Variants in BTG4 observed in about 807,000 individuals in gnomAD.
BTG4 encodes BTG anti-proliferation factor 4.
In BTG4, 10 loss-of-function variants were observed where a neutral mutation model predicts 19.3. That is an observed-to-expected ratio of 0.52 (90% CI 0.32 to 0.88). The LOEUF is 0.88. Ranked by LOEUF, BTG4 falls within the 40% of genes least tolerant of loss-of-function variation. The pLI, the probability that BTG4 is intolerant of heterozygous loss-of-function variation, is 0.04. For synonymous variants in BTG4, 91 were observed against 95.7 expected, an observed-to-expected ratio of 0.95 and a Z score of 0.29; for missense variants, 238 against 281.9, an observed-to-expected ratio of 0.84 and a Z score of 1.11.
chr11:111,385,544 G>A, the BTG4 span: 3 of 151,954 alleles, frequency 2.0e-5, no homozygotes, highest in South Asian at 6.2e-4. Flanking sequence ...GAATTCAATA[G>A]TATATTAAGG....
intron 5 of BTG4, among the ~76,000 whole-genome samples, chr11:111,486,385 C>G (rs1238539133): frequency 6.6e-6 from 1 of 152,032 alleles, no homozygotes; most frequent in Non-Finnish European, 1.5e-5. Context: ...CAGATCACAC[C>G]AAGATCACAC....
At chr11:111,486,465 T>A (rs2135598372) in intron 5 of BTG4, among the ~76,000 whole-genome samples, 2 of 152,136 alleles carry the variant, frequency 1.3e-5, no homozygotes, top group South Asian at 4.2e-4. Flanking sequence ...CACACATACA[T>A]ACTATTCATA....
At chr11:111,437,442 G>A in the BTG4 span, among the ~76,000 whole-genome samples, 1 of 152,190 alleles carries the variant, frequency 6.6e-6, no homozygotes, top group African/African-American at 2.4e-5. Flanking sequence ...GCTGGAAAGG[G>A]ATGGAGTTTC....
At chr11:111,481,052 G>A (rs1466835117) in intron 5 of BTG4, among the ~76,000 whole-genome samples, 1 of 151,562 alleles carries the variant, frequency 6.6e-6, no homozygotes, top group Non-Finnish European at 1.5e-5. Flanking sequence ...TAAACCCTCT[G>A]ACAATTAAAA....
downstream of BTG4, among the ~76,000 whole-genome samples, chr11:111,493,874 T>G (rs1371188470): frequency 6.6e-6 from 1 of 152,086 alleles, no homozygotes; most frequent in Non-Finnish European, 1.5e-5. Context: ...GAGGCTAGAA[T>G]CAAGCTCCCT....
chr11:111,455,668 G>T, the BTG4 span: 1 of 381,944 alleles, frequency 2.6e-6, no homozygotes, highest in Non-Finnish European at 5.5e-6. Context: ...CATGAAATGG[G>T]GAGGAGAGAA....
intron 5 of BTG4, among the ~76,000 whole-genome samples, chr11:111,472,174 A>G (rs1005808912): frequency 1.3e-5 from 2 of 152,146 alleles, no homozygotes; most frequent in African/African-American, 4.8e-5. Context: ...TGTCTCCCCA[A>G]TTTACTCAGA....
chr11:111,427,948 C>T, the BTG4 span, among the ~76,000 whole-genome samples: 6 of 152,254 alleles, frequency 3.9e-5, no homozygotes, highest in East Asian at 1.2e-3. Context: ...AGGACACATA[C>T]AGCTCTGTGG....
the BTG4 span, among the ~76,000 whole-genome samples, chr11:111,425,542 T>C: frequency 6.6e-6 from 1 of 152,140 alleles, no homozygotes; most frequent in African/African-American, 2.4e-5. Context: ...TCTGGCCCGA[T>C]AGTAGAAGAA....
chr11:111,446,575 A>G, the BTG4 span, among the ~76,000 whole-genome samples: 1 of 152,074 alleles, frequency 6.6e-6, no homozygotes, highest in Non-Finnish European at 1.5e-5. Flanking sequence ...CATTACACAG[A>G]TGCTAATCTT....
chr11:111,393,288 C>T, the BTG4 span, among the ~76,000 whole-genome samples: 5 of 152,322 alleles, frequency 3.3e-5, no homozygotes, highest in African/African-American at 1.2e-4. Context: ...TATGCACTCA[C>T]CTCTCAGAGG....
chr11:111,404,061 G>A, the BTG4 span, among the ~76,000 whole-genome samples: 1 of 152,268 alleles, frequency 6.6e-6, no homozygotes, highest in South Asian at 2.1e-4. Flanking sequence ...GGAGGTAATT[G>A]AATCATGGGA....
At chr11:111,426,617 C>G in the BTG4 span, among the ~76,000 whole-genome samples, 2 of 136,866 alleles carry the variant, frequency 1.5e-5, no homozygotes, top group Admixed American at 7.5e-5. Flanking sequence ...ATCCTGACTC[C>G]TCAGTTTTCC....
the BTG4 span, among the ~76,000 whole-genome samples, chr11:111,446,969 A>G: frequency 6.6e-6 from 1 of 152,158 alleles, no homozygotes; most frequent in East Asian, 1.9e-4. Flanking sequence ...GACTTACTAC[A>G]AAAAAAGAAT....
chr11:111,406,987 G>A, the BTG4 span, among the ~76,000 whole-genome samples: 4 of 152,070 alleles, frequency 2.6e-5, no homozygotes, highest in Non-Finnish European at 5.9e-5. Flanking sequence ...CTGTGCCTTA[G>A]TTGCTTATCT....
the BTG4 span, among the ~76,000 whole-genome samples, chr11:111,425,201 T>C: frequency 6.6e-6 from 1 of 152,116 alleles, no homozygotes; most frequent in Non-Finnish European, 1.5e-5. Flanking sequence ...ATGAAGGGTA[T>C]TTTTTAGAAG....
downstream of BTG4, among the ~76,000 whole-genome samples, chr11:111,491,650 G>A (rs1565459860): frequency 6.7e-6 from 1 of 148,990 alleles, no homozygotes; most frequent in Non-Finnish European, 1.5e-5. Flanking sequence ...GCAAGAGGAT[G>A]ACTCAAGCCA....
chr11:111,401,724 C>T, the BTG4 span, among the ~76,000 whole-genome samples: 11 of 152,252 alleles, frequency 7.2e-5, no homozygotes, highest in South Asian at 2.1e-4. Flanking sequence ...TTAAATTAAA[C>T]GTCAACAAAT....
chr11:111,498,223 T>C, intron 2 of BTG4, 88 bp from the exon 3 acceptor site: 1 of 1,440,708 alleles, frequency 6.9e-7, no homozygotes, highest in Non-Finnish European at 9.6e-7. Context: ...CCAATACACA[T>C]AGCTCCCACC....
Sources: allele counts gnomAD v4.1 joint callset (sites outside exome capture counted in the v4.1 genomes callset), GRCh38; gene constraint gnomAD v4.1.1; transcripts MANE v1.5; gene names NCBI Gene and HGNC (gene_info 2026-07-23, HGNC 2026-07-21).